MAP7: variants seen among roughly 807,000 people sequenced by gnomAD.
MAP7 encodes the protein microtubule associated protein 7, also known as ensconsin.
MAP7 carries 52 observed loss-of-function variants against 94.8 expected under a neutral mutation model. That is an observed-to-expected ratio of 0.55 (90% CI 0.44 to 0.69). MAP7 has a LOEUF of 0.69. Among genes scored for constraint, MAP7 ranks in the 30% least tolerant of loss-of-function variants. MAP7 has a pLI of 0.00. For missense variants in MAP7, 940 were observed against 964.6 expected, an observed-to-expected ratio of 0.97 and a Z score of 0.34; for synonymous variants, 350 against 357.0, an observed-to-expected ratio of 0.98 and a Z score of 0.22.
At chr6:136,430,596 T>G (rs905960809) in intron 1 of MAP7, among the ~76,000 whole-genome samples, 1 of 152,246 alleles carries the variant, frequency 6.6e-6, no homozygotes, top group Non-Finnish European at 1.5e-5. Flanking sequence ...AAATTTCTTA[T>G]GTAAACTTCG....
chr6:136,480,809 G>A (rs1812614324), intron 1 of MAP7, among the ~76,000 whole-genome samples: 1 of 151,924 alleles, frequency 6.6e-6, no homozygotes, highest in Non-Finnish European at 1.5e-5. Context: ...CACAGGAAAG[G>A]AAACAATCAA....
chr6:136,427,567 T>C (rs1793540953), intron 1 of MAP7, among the ~76,000 whole-genome samples: 1 of 152,246 alleles, frequency 6.6e-6, no homozygotes, highest in Admixed American at 6.5e-5. Context: ...CTGACTGACA[T>C]TTTGAAACAG....
intron 1 of MAP7, among the ~76,000 whole-genome samples, chr6:136,523,924 C>T (rs1293604167): frequency 6.6e-6 from 1 of 151,990 alleles, no homozygotes; most frequent in Admixed American, 6.6e-5. Flanking sequence ...CAACAGGAGA[C>T]AGGCAGAGGT....
chr6:136,477,273 G>A, intron 1 of MAP7, among the ~76,000 whole-genome samples: 1 of 152,108 alleles, frequency 6.6e-6, no homozygotes, highest in Non-Finnish European at 1.5e-5. Context: ...TAATCATAAG[G>A]AAATATCAGG....
chr6:136,474,105 G>T (rs988567644), intron 1 of MAP7, among the ~76,000 whole-genome samples: 4 of 152,032 alleles, frequency 2.6e-5, no homozygotes, highest in Non-Finnish European at 5.9e-5. Context: ...GGATGAGTAA[G>T]GGCAAAGACC....
chr6:136,477,305 C>T (rs944077313), intron 1 of MAP7, among the ~76,000 whole-genome samples: 11 of 152,112 alleles, frequency 7.2e-5, no homozygotes, highest in African/African-American at 2.7e-4. Flanking sequence ...TGAGAGACAT[C>T]CTACAAAACA....
intron 1 of MAP7, among the ~76,000 whole-genome samples, chr6:136,479,018 G>A (rs1449389681): frequency 6.7e-5 from 9 of 133,824 alleles, no homozygotes; most frequent in Non-Finnish European, 8.0e-5. Context: ...AGAAAAAGAA[G>A]GAAATGAAGA....
intron 1 of MAP7, among the ~76,000 whole-genome samples, chr6:136,432,282 T>C (rs1428108810): frequency 6.6e-6 from 1 of 152,240 alleles, no homozygotes; most frequent in Non-Finnish European, 1.5e-5. Flanking sequence ...AAATGTCTTA[T>C]TTCTTATTCA....
intron 1 of MAP7, among the ~76,000 whole-genome samples, chr6:136,451,686 T>C (rs1412258952): frequency 1.3e-5 from 2 of 152,156 alleles, no homozygotes; most frequent in Non-Finnish European, 2.9e-5. Context: ...TGGAAAGAAT[T>C]CTCCATTCTA....
chr6:136,422,236 A>G (rs1241461726), intron 1 of MAP7, among the ~76,000 whole-genome samples: 5 of 152,348 alleles, frequency 3.3e-5, no homozygotes, highest in African/African-American at 1.2e-4. Context: ...TCTCTGCAGT[A>G]GCCCCAGGTC....
At chr6:136,403,025 GC>G (rs1784619484) in intron 3 of MAP7, among the ~76,000 whole-genome samples, 1 of 151,090 alleles carries the variant, frequency 6.6e-6, no homozygotes, top group East Asian at 2.0e-4. Flanking sequence ...ATGGAGTTTT[GC>G]TAAACAGGGC....
intron 1 of MAP7, among the ~76,000 whole-genome samples, chr6:136,465,515 C>CA (rs1339885100): frequency 2.0e-5 from 3 of 151,220 alleles, no homozygotes; most frequent in East Asian, 3.9e-4. Flanking sequence ...TCATTAAGGG[C>CA]AAAAAAAATG....
chr6:136,539,501 C>T (rs1000641026), intron 1 of MAP7, among the ~76,000 whole-genome samples: 4 of 152,138 alleles, frequency 2.6e-5, no homozygotes, highest in Non-Finnish European at 4.4e-5. Flanking sequence ...GGAATCAGTC[C>T]CATCCAATAT....
Position 136,485,555 on chromosome 6 carries a change from A to ATTTTTTTTTTT in MAP7, c.68-63767_68-63757dup, listed in dbSNP as rs747333121. On this transcript the variant is annotated intron_variant, in intron 1 of 17. Transcript: ENST00000354570. The stretch of plus-strand genomic sequence containing the variant: ...GACTTAATGATCAATTCCACTTCAG[A>ATTTTTTTTTTT]TTTTTTTTTTTTTTTTTTTTTTTTT... Among the ~76,000 whole-genome samples the ATTTTTTTTTTT allele has an allele frequency of 1.1e-4, 11 of 98,138 alleles. 1 individual carries two copies. The highest frequency in any genetic ancestry group is 4.0e-4 in the African/African-American group (9 of 22,416). 64.4% of individuals were successfully genotyped at this position (98,138 alleles called of 152,430 possible). A position where few individuals can be genotyped will look rare whatever the true frequency, so the allele number is the denominator to read the frequency against.
chr6:136,501,250 G>T (rs987070766), intron 1 of MAP7, among the ~76,000 whole-genome samples: 1 of 152,164 alleles, frequency 6.6e-6, no homozygotes, highest in Admixed American at 6.5e-5. Context: ...GAAGCTTCGG[G>T]CAACAGACCC....
chr6:136,476,595 G>T (rs1479581726), intron 1 of MAP7, among the ~76,000 whole-genome samples: 2 of 152,180 alleles, frequency 1.3e-5, no homozygotes, highest in Non-Finnish European at 2.9e-5. Context: ...GGATATAAGA[G>T]ATTTGTTCAA....
chr6:136,370,577 TA>T (rs944356151), intron 8 of MAP7, among the ~76,000 whole-genome samples: 1 of 152,076 alleles, frequency 6.6e-6, no homozygotes, highest in African/African-American at 2.4e-5. Flanking sequence ...AATTCAGCCC[TA>T]AAAAGGAAGG....
chr6:136,418,836 GT>G (rs1286988943), intron 2 of MAP7, among the ~76,000 whole-genome samples: 1 of 152,036 alleles, frequency 6.6e-6, no homozygotes, highest in Non-Finnish European at 1.5e-5. Flanking sequence ...ATTAAAAGGT[GT>G]TACTCAAGGC....
chr6:136,550,280 C>T lies in MAP7; in HGVS notation c.67+62G>A, dbSNP rs896976892. 7.2e-7 allele frequency: 1 copy of T among 1,383,996 alleles called. No individual in the cohort carries two copies. The highest frequency in any genetic ancestry group is 9.4e-7 in the Non-Finnish European group (1 of 1,058,914). The allele number at this position is 1,383,996 out of a possible 1,614,324, so 85.7% of individuals were successfully genotyped here. On this transcript the variant is annotated intron_variant, in intron 1 of 17. Transcript: ENST00000354570. This position sits in a 1 kb window ranked among gnomAD's most constrained non-coding sequence, Gnocchi z 5.1. ...GCGCCGGGTGATTTCGGTGCCAGCC[C>T]GCCGGCCCCGCTCGCCGTCCCCTGC...
Sources: allele counts gnomAD v4.1 joint callset (sites outside exome capture counted in the v4.1 genomes callset), GRCh38; gene constraint gnomAD v4.1.1; non-coding constraint Gnocchi (gnomAD v3.1); transcripts MANE v1.5; gene names NCBI Gene and HGNC (gene_info 2026-07-23, HGNC 2026-07-21).